MARK1: variants seen among roughly 807,000 people sequenced by gnomAD.
MARK1 encodes microtubule affinity regulating kinase 1, also known as serine/threonine-protein kinase MARK1.
Under a neutral mutation model 96.3 loss-of-function variants are expected in MARK1, and 40 were observed. The observed-to-expected ratio is 0.42, with a 90% CI of 0.32 to 0.54. MARK1 has a LOEUF of 0.54. Among genes scored for constraint, MARK1 ranks in the 20% least tolerant of loss-of-function variants. The probability of loss-of-function intolerance (pLI) is 0.16; values close to 1 mark genes in which losing one functional copy is unlikely to be tolerated. For missense variants in MARK1, 719 were observed against 984.6 expected, an observed-to-expected ratio of 0.73 and a Z score of 3.61; for synonymous variants, 317 against 341.2, an observed-to-expected ratio of 0.93 and a Z score of 0.78.
At chr1:220,542,218 A>T (rs1026514958) in intron 1 of MARK1, among the ~76,000 whole-genome samples, 1 of 152,148 alleles carries the variant, frequency 6.6e-6, no homozygotes. Context: ...TGCTTATTTT[A>T]TGATTTCATC....
At chr1:220,601,794 C>T (rs1665766042) in intron 5 of MARK1, among the ~76,000 whole-genome samples, 1 of 152,056 alleles carries the variant, frequency 6.6e-6, no homozygotes, top group Non-Finnish European at 1.5e-5. Flanking sequence ...GGAGTAATGG[C>T]TAGAGTAAGA....
rs191837248 is a variant in MARK1, at chr1:220,580,323, A to C, written c.256-742A>C. ...ACATGGCAAAACCCCAGCTCTACAA[A>C]AAATACAGAAATTAGCTGGGCTTGG... On this transcript the variant is annotated intron_variant, in intron 2 of 17. Transcript: ENST00000366917. Among the ~76,000 whole-genome samples the C allele has an allele frequency of 3.3e-5, 5 of 152,104 alleles. No individual in the cohort carries two copies. In the East Asian group the frequency reaches 7.8e-4, roughly 24 times the overall value.
chr1:220,570,250 G>A lies in MARK1; in HGVS notation c.52-9104G>A, dbSNP rs780357268. On this transcript the variant is annotated intron_variant, in intron 1 of 17. Coordinates refer to ENST00000366917, the MANE Select transcript of MARK1 (RefSeq NM_018650.5). ...GGGAAGTGATATCTAAGCTGAATGC[G>A]AAAGGATGAGTGAAGAGTTAACCCA... Among the ~76,000 whole-genome samples the A allele has an allele frequency of 1.2e-4, 19 of 152,126 alleles. No homozygotes were observed. In the Middle Eastern group the frequency reaches 0.01, roughly 82 times the overall value.
chr1:220,537,536 C>T (rs1451405722), intron 1 of MARK1, among the ~76,000 whole-genome samples: 1 of 144,678 alleles, frequency 6.9e-6, no homozygotes, highest in Non-Finnish European at 1.5e-5. Flanking sequence ...TGAATAGTGC[C>T]GCAATAAACA....
intron 6 of MARK1, among the ~76,000 whole-genome samples, chr1:220,611,314 C>T (rs1024968561): frequency 2.0e-5 from 3 of 152,226 alleles, no homozygotes; most frequent in Non-Finnish European, 2.9e-5. Flanking sequence ...GCTGCTGCCT[C>T]GCAGATCAAT....
intron 1 of MARK1, among the ~76,000 whole-genome samples, chr1:220,534,013 T>G (rs1190135908): frequency 1.3e-5 from 2 of 152,162 alleles, no homozygotes; most frequent in African/African-American, 4.8e-5. Flanking sequence ...TGTTGAATTT[T>G]TTTTCATTGT....
At chr1:220,658,631 A>G (rs900589493) in intron 17 of MARK1, among the ~76,000 whole-genome samples, 4 of 152,240 alleles carry the variant, frequency 2.6e-5, no homozygotes, top group African/African-American at 7.2e-5. Context: ...ACCAACAAGT[A>G]TTCCACAGTA....
chr1:220,647,623 GC>G (rs1668653072), intron 13 of MARK1, among the ~76,000 whole-genome samples: 1 of 152,166 alleles, frequency 6.6e-6, no homozygotes, highest in African/African-American at 2.4e-5. Flanking sequence ...ATTAACAATA[GC>G]AAAGACATGG....
At chr1:220,587,094 A>C (rs1409058673) in intron 3 of MARK1, among the ~76,000 whole-genome samples, 1 of 152,012 alleles carries the variant, frequency 6.6e-6, no homozygotes, top group Non-Finnish European at 1.5e-5. Flanking sequence ...TCTGAATTTG[A>C]TCTTTCTTAT....
chr1:220,600,892 C>CTTTTTTTT (rs11417176), intron 5 of MARK1, among the ~76,000 whole-genome samples: 2 of 144,256 alleles, frequency 1.4e-5, no homozygotes. Flanking sequence ...TTTTCTTTTT[C>CTTTTTTTT]TTTTTTTTTT....
chr1:220,541,332 TG>T (rs1357280875), intron 1 of MARK1, among the ~76,000 whole-genome samples: 1 of 152,188 alleles, frequency 6.6e-6, no homozygotes, highest in Non-Finnish European at 1.5e-5. Context: ...GTTGTATTTT[TG>T]TTATCTGTCC....
intron 13 of MARK1, among the ~76,000 whole-genome samples, chr1:220,637,591 ATC>A (rs528980191): frequency 1.8e-4 from 27 of 152,302 alleles, no homozygotes; most frequent in African/African-American, 6.3e-4. Flanking sequence ...AGGCAGGAGA[ATC>A]TCTGGAACCT....
At chr1:220,557,634 G>T (rs1185813807) in intron 1 of MARK1, among the ~76,000 whole-genome samples, 2 of 151,984 alleles carry the variant, frequency 1.3e-5, no homozygotes, top group Admixed American at 1.3e-4. Flanking sequence ...TCTTATGTTT[G>T]AATTACAAAA....
chr1:220,607,245 G>T (rs201115376), intron 6 of MARK1, among the ~76,000 whole-genome samples: 12 of 152,110 alleles, frequency 7.9e-5, no homozygotes, highest in Non-Finnish European at 1.8e-4. Context: ...CACGTCCCTT[G>T]TAAGTTGGAT....
Position 220,598,397 on chromosome 1 carries a change from A to T in MARK1, c.358+18A>T, listed in dbSNP as rs996990261. On this transcript the variant is annotated intron_variant, in intron 4 of 17. Coordinates refer to ENST00000366917, the MANE Select transcript of MARK1 (RefSeq NM_018650.5). ...TAATATAGGTATGAAATATATATAT[A>T]TTATATATATATATATATATAATTA... is the stretch of plus-strand genomic sequence containing the variant. 4.4e-5 allele frequency: 9 copies of T among 206,290 alleles called. No homozygotes were observed. The highest frequency in any genetic ancestry group is 1.2e-4 in the African/African-American group (4 of 34,354). 12.8% of individuals were successfully genotyped at this position (206,290 alleles called of 1,614,324 possible). A position where few individuals can be genotyped will look rare whatever the true frequency, so the allele number is the denominator to read the frequency against.
At chr1:220,548,886 A>C (rs939331623) in intron 1 of MARK1, among the ~76,000 whole-genome samples, 2 of 152,220 alleles carry the variant, frequency 1.3e-5, no homozygotes, top group African/African-American at 4.8e-5. Context: ...AAAGAATTTA[A>C]CACGGTATTT....
chr1:220,549,308 T>G (rs987985722), intron 1 of MARK1, among the ~76,000 whole-genome samples: 5 of 152,214 alleles, frequency 3.3e-5, no homozygotes, highest in Admixed American at 1.3e-4. Context: ...AGTTGTTGTT[T>G]TGTTTAACTA....
intron 9 of MARK1, among the ~76,000 whole-genome samples, chr1:220,625,201 C>T (rs1558306565): frequency 6.6e-6 from 1 of 152,192 alleles, no homozygotes; most frequent in Non-Finnish European, 1.5e-5. Context: ...GGAGATAAAC[C>T]TCTACACAAC....
At chr1:220,553,971 G>A (rs1395322898) in intron 1 of MARK1, among the ~76,000 whole-genome samples, 4 of 152,176 alleles carry the variant, frequency 2.6e-5, no homozygotes, top group African/African-American at 4.8e-5. Context: ...AAACTGGCAG[G>A]CTTTCAGATT....
Sources: allele counts gnomAD v4.1 joint callset (sites outside exome capture counted in the v4.1 genomes callset), GRCh38; gene constraint gnomAD v4.1.1; transcripts MANE v1.5; gene names NCBI Gene and HGNC (gene_info 2026-07-23, HGNC 2026-07-21).